Variants in CTNNA3 observed in about 807,000 individuals in gnomAD.
The protein encoded by CTNNA3 is catenin alpha 3.
A neutral mutation model predicts 95.7 loss-of-function variants in CTNNA3; 76 were observed. The observed-to-expected ratio is 0.79, with a 90% confidence interval of 0.66 to 0.96. CTNNA3 has a LOEUF of 0.96. Among genes scored for constraint, CTNNA3 ranks in the 40% least tolerant of loss-of-function variants. The pLI is 0.00. For missense variants in CTNNA3, 1,191 were observed against 1,089.8 expected (o/e 1.09, Z -1.31); for synonymous variants, 431 against 374.4 (o/e 1.15, Z -1.74).
chr10:67,686,673 A>C (rs1840737844), intron 1 of CTNNA3, among the ~76,000 whole-genome samples: 1 of 152,156 alleles, frequency 6.6e-6, no homozygotes, highest in African/African-American at 2.4e-5. Flanking sequence ...CCACCGCCAC[A>C]ACTACCTGTA....
Position 66,766,257 on chromosome 10 carries a change from T to C in CTNNA3, c.1281+7A>G, listed in dbSNP as rs916719424. 1.9e-6 allele frequency: 3 copies of C among 1,612,994 alleles called. No individual in the cohort carries two copies. The highest frequency in any genetic ancestry group is 1.7e-5 in the Admixed American group (1 of 59,986). Reference sequence around the variant, plus strand: ...ACTTTAGTGAGTTACAGTTCTAGCATGCTTACCTCTACAAGCCTGCTGGTG... The same window carrying C: ...ACTTTAGTGAGTTACAGTTCTAGCACGCTTACCTCTACAAGCCTGCTGGTG... On this transcript the variant is annotated splice_region_variant and intron_variant, in intron 9 of 17. Transcript: ENST00000433211.
chr10:67,558,964 T>A (rs1841367226), intron 3 of CTNNA3, among the ~76,000 whole-genome samples: 1 of 152,204 alleles, frequency 6.6e-6, no homozygotes, highest in African/African-American at 2.4e-5. Context: ...CAGGCTTGCT[T>A]AGGTAAACAA....
chr10:66,443,434 G>A (rs191428486), intron 11 of CTNNA3, among the ~76,000 whole-genome samples: 130 of 151,860 alleles, frequency 8.6e-4, no homozygotes, highest in African/African-American at 2.9e-3. Context: ...CACCTCACAC[G>A]GCCGGGTATT....
intron 12 of CTNNA3, among the ~76,000 whole-genome samples, chr10:66,362,058 T>C (rs930927409): frequency 1.7e-4 from 25 of 151,336 alleles, no homozygotes; most frequent in African/African-American, 6.1e-4. Flanking sequence ...CTCAAAACAG[T>C]GATATTTTCC....
chr10:66,297,553 T>C (rs1451040814), intron 12 of CTNNA3, among the ~76,000 whole-genome samples: 1 of 152,190 alleles, frequency 6.6e-6, no homozygotes, highest in Non-Finnish European at 1.5e-5. Flanking sequence ...GCAATATCTC[T>C]TCCTCGTGTC....
rs1469393960 is a variant in CTNNA3, at chr10:67,372,770, C to T, written c.579+149072G>A. 2.6e-5 allele frequency among the ~76,000 whole-genome samples: 4 copies of T among 152,206 alleles called. No homozygotes were observed. The South Asian group carries it at 6.2e-4, about 24-fold the overall frequency. On this transcript the variant is annotated intron_variant, in intron 5 of 17. Transcript: ENST00000433211. ...AAAGGGAAGCCCATCAGACTAACAG[C>T]AGATCTCTCGGCAGAAACTCTACAA...
chr10:67,579,475 T>C (rs374164386), intron 3 of CTNNA3, among the ~76,000 whole-genome samples: 7 of 152,166 alleles, frequency 4.6e-5, no homozygotes, highest in African/African-American at 4.8e-5. Flanking sequence ...TGGGTTGGTT[T>C]CAAGTCTTTG....
intron 1 of CTNNA3, among the ~76,000 whole-genome samples, chr10:67,701,826 C>G (rs1425981372): frequency 2.0e-5 from 3 of 151,898 alleles, no homozygotes; most frequent in African/African-American, 7.3e-5. Context: ...AAGACACAGA[C>G]TGGCAAATTG....
At chr10:66,483,602 A>T (rs1839619270) in intron 11 of CTNNA3, among the ~76,000 whole-genome samples, 1 of 152,100 alleles carries the variant, frequency 6.6e-6, no homozygotes. Context: ...TGTTGTCTTT[A>T]CCTCCTACAC....
rs911296774 is a variant in CTNNA3 at position 67,050,447 on chromosome 10, GA to G, written c.1047+129869del. Among the ~76,000 whole-genome samples, 3 of 150,814 alleles carry G rather than the reference GA, an allele frequency of 2.0e-5. 1 individual carries two copies. The highest frequency in any genetic ancestry group is 2.4e-5 in the African/African-American group (1 of 41,034). ...CAAATGACTTAAGAATATTAGAAAA[GA>G]AAAAAAAAGTACCCATTCAGCTTAG... On this transcript the variant is annotated intron_variant, in intron 7 of 17. Coordinates refer to ENST00000433211, the MANE Select transcript of CTNNA3 (RefSeq NM_013266.4).
chr10:66,996,922 G>A (rs1851387010), intron 7 of CTNNA3, among the ~76,000 whole-genome samples: 1 of 152,052 alleles, frequency 6.6e-6, no homozygotes, highest in African/African-American at 2.4e-5. Context: ...AGCTTTGTGA[G>A]TACTACTGGT....
chr10:67,423,231 C>T (rs917302929), intron 5 of CTNNA3, among the ~76,000 whole-genome samples: 16 of 152,134 alleles, frequency 1.1e-4, no homozygotes, highest in Non-Finnish European at 2.9e-5. Context: ...CCTTTCATCA[C>T]TTCATATGAC....
chr10:66,905,553 T>A (rs1845953349), intron 7 of CTNNA3, among the ~76,000 whole-genome samples: 1 of 152,190 alleles, frequency 6.6e-6, no homozygotes, highest in African/African-American at 2.4e-5. Context: ...CTTGAAGAGA[T>A]ATCTGCCCTC....
intron 1 of CTNNA3, among the ~76,000 whole-genome samples, chr10:67,704,967 C>T (rs185756712): frequency 8.2e-4 from 125 of 152,040 alleles, no homozygotes; most frequent in African/African-American, 2.6e-3. Context: ...AGTGGGCGAA[C>T]GACATGAACA....
intron 14 of CTNNA3, among the ~76,000 whole-genome samples, chr10:66,091,772 A>G (rs10996889): frequency 0.23 from 35,564 of 151,600 alleles, 4,314 homozygotes; most frequent in South Asian, 0.36. Context: ...AGAAAAGAGG[A>G]GATTTGTTGG....
rs989530428 is a variant in CTNNA3 at position 67,719,395 on chromosome 10, G to T, written c.-2+44039C>A. Among the ~76,000 whole-genome samples the T allele has an allele frequency of 1.8e-4, 27 of 152,110 alleles. No individual in the cohort carries two copies. In the East Asian group the frequency reaches 2.1e-3, roughly 12 times the overall value. ...TAGTTCTTTTAATTGTGATGTTAGG[G>T]TATCAATTTTAGGTCTTTCCTGCTT... is the stretch of plus-strand genomic sequence containing the variant. On this transcript the variant is annotated intron_variant, in intron 1 of 17. Coordinates refer to the CTNNA3 transcript ENST00000684154.
chr10:66,399,082 G>T (rs1045389357), intron 11 of CTNNA3, among the ~76,000 whole-genome samples: 3 of 151,832 alleles, frequency 2.0e-5, no homozygotes, highest in African/African-American at 7.2e-5. Context: ...TATTTTTAGG[G>T]TTAGAGGTCT....
At chr10:66,121,733 T>C (rs2082586751) in intron 13 of CTNNA3, among the ~76,000 whole-genome samples, 1 of 151,988 alleles carries the variant, frequency 6.6e-6, no homozygotes, top group Admixed American at 6.6e-5. Context: ...CCCAACTACT[T>C]GTGAGGCTGA....
At chr10:66,996,649 C>CAAAAAAAATAAA (rs1851364948) in intron 7 of CTNNA3, among the ~76,000 whole-genome samples, 1 of 67,644 alleles carries the variant, frequency 1.5e-5, no homozygotes, top group Non-Finnish European at 2.5e-5. Context: ...TCCGTCTCTA[C>CAAAAAAAATAAA]AAAAAAAAAA....
Sources: gnomAD v4.1 joint callset for allele counts (sites outside exome capture counted in the v4.1 genomes callset) on GRCh38, gnomAD v4.1.1 for gene constraint, MANE v1.5 for transcripts, NCBI Gene and HGNC (gene_info 2026-07-23, HGNC 2026-07-21) for gene names.